TAF3: variants seen among roughly 807,000 people sequenced by gnomAD.
The protein encoded by TAF3 is transcription initiation factor TFIID subunit 3.
In TAF3, 7 loss-of-function variants were observed where a neutral mutation model predicts 80.6. The ratio of observed to expected loss-of-function variants is 0.09; its 90% CI spans 0.05 to 0.16. The LOEUF is 0.16. Among genes scored for constraint, TAF3 ranks in the 10% least tolerant of loss-of-function variants. The probability of loss-of-function intolerance (pLI) is 1.00; values close to 1 mark genes in which losing one functional copy is unlikely to be tolerated. For missense variants in TAF3, 921 were observed against 1,140.2 expected (o/e 0.81, Z 2.77); for synonymous variants, 444 against 446.1 (o/e 1.00, Z 0.06).
chr10:7,912,591 A>G (rs1244452902), intron 2 of TAF3, among the ~76,000 whole-genome samples: 3 of 152,236 alleles, frequency 2.0e-5, no homozygotes, highest in Admixed American at 2.0e-4. Flanking sequence ...ATAAAAAACT[A>G]TGATTTTCTT....
chr10:7,846,704 G>T (rs1244486), intron 2 of TAF3, among the ~76,000 whole-genome samples: 27,329 of 152,042 alleles, frequency 0.18, 2,538 homozygotes, highest in South Asian at 0.26. Context: ...CTCCTATAAA[G>T]CTAAGACATG....
chr10:7,944,526 A>G (rs1302712897), intron 2 of TAF3, among the ~76,000 whole-genome samples: 3 of 152,210 alleles, frequency 2.0e-5, no homozygotes, highest in Non-Finnish European at 4.4e-5. Flanking sequence ...TGCAACGTTA[A>G]AGGACATAGC....
At chr10:7,846,163 T>A (rs1318005226) in intron 2 of TAF3, among the ~76,000 whole-genome samples, 1 of 152,128 alleles carries the variant, frequency 6.6e-6, no homozygotes, top group Non-Finnish European at 1.5e-5. Flanking sequence ...TTCACCGTGT[T>A]AGCCAGGACG....
intron 4 of TAF3, among the ~76,000 whole-genome samples, chr10:8,008,669 G>C (rs926438973): frequency 1.3e-5 from 2 of 152,180 alleles, no homozygotes; most frequent in African/African-American, 4.8e-5. Context: ...GGCTGCTCCA[G>C]GTCCTCTCCA....
chr10:7,846,527 G>A (rs1034756719), intron 2 of TAF3, among the ~76,000 whole-genome samples: 7 of 151,972 alleles, frequency 4.6e-5, no homozygotes, highest in Non-Finnish European at 1.0e-4. Context: ...TTTTGTTTTT[G>A]AACAGTTTTA....
At chr10:7,929,719 AT>A (rs1182655927) in intron 2 of TAF3, among the ~76,000 whole-genome samples, 1 of 152,204 alleles carries the variant, frequency 6.6e-6, no homozygotes, top group Admixed American at 6.5e-5. Flanking sequence ...ATAAGGTTAC[AT>A]TATTTAATCA....
intron 4 of TAF3, among the ~76,000 whole-genome samples, chr10:7,992,083 G>T (rs891785837): frequency 1.3e-5 from 2 of 152,174 alleles, no homozygotes; most frequent in African/African-American, 4.8e-5. Context: ...TCTATAGACT[G>T]TAGGCTCAGG....
At chr10:7,981,713 C>T (rs150789295) in intron 4 of TAF3, among the ~76,000 whole-genome samples, 3 of 152,356 alleles carry the variant, frequency 2.0e-5, no homozygotes, top group African/African-American at 7.2e-5. Context: ...TCAGTAACTT[C>T]ATCATCAGCC....
intron 2 of TAF3, among the ~76,000 whole-genome samples, chr10:7,896,251 G>A (rs866230698): frequency 6.6e-6 from 1 of 152,080 alleles, no homozygotes; most frequent in Non-Finnish European, 1.5e-5. Flanking sequence ...CTTTTTCTCA[G>A]ATCTTTACTC....
At chr10:7,911,948 CCTTA>C (rs1837660415) in intron 2 of TAF3, among the ~76,000 whole-genome samples, 1 of 152,080 alleles carries the variant, frequency 6.6e-6, no homozygotes, top group African/African-American at 2.4e-5. Flanking sequence ...AGTTTAAAGC[CCTTA>C]CTTTAAATCA....
intron 4 of TAF3, among the ~76,000 whole-genome samples, chr10:8,001,810 A>G (rs1831945648): frequency 6.6e-6 from 1 of 152,158 alleles, no homozygotes; most frequent in Admixed American, 6.5e-5. Context: ...ACAAGTCATA[A>G]TTGAGCTAAT....
At chr10:7,874,576 G>A (rs1204979639) in intron 2 of TAF3, among the ~76,000 whole-genome samples, 1 of 151,760 alleles carries the variant, frequency 6.6e-6, no homozygotes, top group East Asian at 1.9e-4. Context: ...TATATTTAAA[G>A]CCAAAAATAT....
At chr10:7,988,572 CAA>C (rs58825999) in intron 4 of TAF3, among the ~76,000 whole-genome samples, 1,188 of 49,004 alleles carry the variant, frequency 0.024, 3 homozygotes, top group African/African-American at 0.064. Flanking sequence ...GACCCTGTCT[CAA>C]AAAAAAAAAA....
intron 3 of TAF3, among the ~76,000 whole-genome samples, chr10:7,976,742 C>G (rs1460292296): frequency 6.6e-6 from 1 of 151,982 alleles, no homozygotes; most frequent in African/African-American, 2.4e-5. Context: ...TTGTTTTACC[C>G]CTAGCCAAAA....
intron 2 of TAF3, among the ~76,000 whole-genome samples, chr10:7,890,545 G>A (rs1588540507): frequency 6.6e-6 from 1 of 152,214 alleles, no homozygotes; most frequent in African/African-American, 2.4e-5. Flanking sequence ...GTATAAATAT[G>A]TGCATTCATC....
intron 2 of TAF3, among the ~76,000 whole-genome samples, chr10:7,884,734 A>G (rs78720596): frequency 0.011 from 1,660 of 152,182 alleles, 19 homozygotes; most frequent in Middle Eastern, 0.031. Context: ...GGGCACTAGG[A>G]CTGGTCATTG....
At chr10:7,824,036 C>T (rs1836717345) in intron 1 of TAF3, among the ~76,000 whole-genome samples, 1 of 151,532 alleles carries the variant, frequency 6.6e-6, no homozygotes, top group African/African-American at 2.4e-5. Flanking sequence ...TGCTTTTGAT[C>T]ATCTGTAAAC....
intron 2 of TAF3, among the ~76,000 whole-genome samples, chr10:7,902,647 C>T (rs1837570601): frequency 6.6e-6 from 1 of 152,014 alleles, no homozygotes. Flanking sequence ...CAGATGGTGT[C>T]TATCGGATGT....
chr10:7,822,160 G>T (rs775279950), intron 1 of TAF3, among the ~76,000 whole-genome samples: 1 of 151,164 alleles, frequency 6.6e-6, no homozygotes, highest in African/African-American at 2.4e-5. Context: ...GTGCATAAGA[G>T]ATTGAAGTGG....
Sources: allele counts gnomAD v4.1 joint callset (sites outside exome capture counted in the v4.1 genomes callset), GRCh38; gene constraint gnomAD v4.1.1; transcripts MANE v1.5; gene names NCBI Gene and HGNC (gene_info 2026-07-23, HGNC 2026-07-21).